Variants in THBS4 observed in about 807,000 individuals in gnomAD.
THBS4 encodes the protein thrombospondin-4.
THBS4 carries 90 observed loss-of-function variants against 115.7 expected under a neutral mutation model. The ratio of observed to expected loss-of-function variants is 0.78; its 90% CI spans 0.66 to 0.93. The LOEUF is 0.93. Ranked by LOEUF, THBS4 falls within the 40% of genes least tolerant of loss-of-function variation. The probability of loss-of-function intolerance (pLI) is 0.00; values close to 1 mark genes in which losing one functional copy is unlikely to be tolerated. For missense variants in THBS4, 1,087 were observed against 1,232.7 expected (o/e 0.88, Z 1.77); for synonymous variants, 460 against 479.3 (o/e 0.96, Z 0.53).
intron 2 of THBS4, among the ~76,000 whole-genome samples, chr5:80,015,172 G>A (rs902482172): frequency 1.3e-5 from 2 of 152,224 alleles, no homozygotes; most frequent in African/African-American, 2.4e-5. Context: ...AGGAAAAAAG[G>A]TGTAACCCTA....
intron 20 of THBS4, chr5:80,080,341 G>A: frequency 2.4e-6 from 1 of 414,674 alleles, no homozygotes; most frequent in Admixed American, 3.4e-5. Context: ...TGTGGGGTTG[G>A]TGCATTTGGA....
intron 1 of THBS4, 118 bp from the exon 2 acceptor site, chr5:80,039,959 G>A: frequency 2.3e-6 from 2 of 865,036 alleles, no homozygotes; most frequent in East Asian, 2.4e-5. Flanking sequence ...GGGATTACAA[G>A]ATTAGTTTAC....
chr5:80,065,482 G>T lies in THBS4; in HGVS notation c.1194+5G>T, dbSNP rs749264926. 1 of 1,612,370 alleles carries T rather than the reference G, an allele frequency of 6.2e-7. No homozygotes were observed. Among genetic ancestry groups the T allele is most frequent in the South Asian group, 1.1e-5 (1 of 90,814 alleles). ...TCGATCTGCGTTAATACTTTGGTAA[G>T]TATTTCTCACAGCTGTTGTTATCAA... On this transcript the variant is annotated splice_donor_5th_base_variant and intron_variant, in intron 9 of 21. Transcript: ENST00000350881.
At position 80,068,002 on chromosome 5, in the gene THBS4, G is replaced by A. The variant is rs548126974; in HGVS notation, c.1224G>A (p.Pro408=). Reference sequence around the variant, plus strand: ...CTTACCGCTGTGGGCCTTGTAAGCCGGGGTATACTGGTGATCAGATAAGGG... The same window carrying A: ...CTTACCGCTGTGGGCCTTGTAAGCCAGGGTATACTGGTGATCAGATAAGGG... ...LGSYRCGPCK[P]GYTGDQIRGC... is the part of the protein sequence containing the mutation. The change falls in exon 10 of 22, where the codon CCG becomes CCA. Residue 408 remains proline, a synonymous_variant. Coordinates refer to ENST00000350881, the MANE Select transcript of THBS4 (RefSeq NM_003248.6). The A allele has an allele frequency of 1.9e-5, 30 of 1,614,108 alleles. No individual in the cohort carries two copies. The highest frequency in any genetic ancestry group is 1.7e-4 in the Middle Eastern group (1 of 6,058).
At chr5:80,082,332 C>T in intron 20 of THBS4, 74 bp from the exon 21 acceptor site, 1 of 1,582,558 alleles carries the variant, frequency 6.3e-7, no homozygotes, top group Non-Finnish European at 8.6e-7. Flanking sequence ...AGAAGTGGGG[C>T]CCCTGGGCCT....
intron 2 of THBS4, among the ~76,000 whole-genome samples, chr5:80,011,512 T>G (rs1832126120): frequency 6.6e-6 from 1 of 152,174 alleles, no homozygotes; most frequent in South Asian, 2.1e-4. Context: ...CATTCTTTGA[T>G]TTGTTCAGCT....
chr5:80,059,378 T>C, intron 5 of THBS4, 62 bp from the exon 6 acceptor site: 1 of 1,521,438 alleles, frequency 6.6e-7, no homozygotes, highest in Non-Finnish European at 9.1e-7. Flanking sequence ...ATGGATTCTT[T>C]CATTCCTGGA....
intron 1 of THBS4, among the ~76,000 whole-genome samples, chr5:79,992,763 G>A (rs917628497): frequency 6.6e-6 from 1 of 152,224 alleles, no homozygotes; most frequent in African/African-American, 2.4e-5. Flanking sequence ...ATAATCACGA[G>A]TAGGGTTAGA....
At chr5:80,033,164 TG>T, upstream of THBS4, 1 of 413,192 alleles carries the variant, frequency 2.4e-6, no homozygotes, top group Non-Finnish European at 4.9e-6. Context: ...GCACCTGGCA[TG>T]ATCAACTCTG....
Position 80,059,911 on chromosome 5 carries a change from A to ATTTT in THBS4, c.987+6_987+7insTTTT. 2 of 1,612,918 alleles carry ATTTT rather than the reference A, an allele frequency of 1.2e-6. No individual in the cohort carries two copies. Among genetic ancestry groups the ATTTT allele is most frequent in the Non-Finnish European group, 1.7e-6 (2 of 1,179,686 alleles). On this transcript the variant is annotated splice_region_variant and intron_variant, in intron 7 of 21. Transcript: ENST00000350881. The stretch of plus-strand genomic sequence containing the variant: ...CCTGTATTGATGTTGATGAGGTAAA[A>ATTTT]GTTCACTTAGACTGGGAGGGGATCC...
At chr5:80,016,205 A>G (rs1832247160) in intron 2 of THBS4, among the ~76,000 whole-genome samples, 1 of 152,144 alleles carries the variant, frequency 6.6e-6, no homozygotes, top group South Asian at 2.1e-4. Flanking sequence ...GATGTCTTTA[A>G]TCAAGACAGA....
At chr5:79,998,208 T>A (rs1170529531) in intron 1 of THBS4, 1 of 152,196 alleles carries the variant, frequency 6.6e-6, no homozygotes, top group South Asian at 2.1e-4. Flanking sequence ...AGGGGCCTAA[T>A]GGGAGGTGAT....
In THBS4 at chr5:80,070,747, G is replaced by A. The variant is rs777246100; in HGVS notation, c.1557G>A (p.Glu519=). 2.8e-5 allele frequency: 46 copies of A among 1,614,154 alleles called. No individual in the cohort carries two copies. Among genetic ancestry groups the A allele is most frequent in the Non-Finnish European group, 3.8e-5 (45 of 1,179,970 alleles). Residue 519 remains glutamate (E), a synonymous_variant, in exon 12 of 22, where the codon GAG becomes GAA. Coordinates refer to ENST00000350881, the MANE Select transcript of THBS4 (RefSeq NM_003248.6). ...EDADGDGILN[E]QDNCVLIHNV... Reference sequence around the variant, plus strand: ...CTGACGGAGATGGGATCCTGAATGAGCAGGTACCTGCTTCGCTGGGAGGGC... The same window carrying A: ...CTGACGGAGATGGGATCCTGAATGAACAGGTACCTGCTTCGCTGGGAGGGC...
chr5:80,082,623 T>C (rs1056273937), intron 21 of THBS4, 78 bp downstream of exon 21: 1 of 1,553,820 alleles, frequency 6.4e-7, no homozygotes, highest in Non-Finnish European at 8.7e-7. Flanking sequence ...TATACCGCAC[T>C]TCCCCCCCAA....
chr5:80,017,407 A>C (rs555256230), intron 2 of THBS4, among the ~76,000 whole-genome samples: 134 of 152,268 alleles, frequency 8.8e-4, no homozygotes, highest in African/African-American at 3.2e-3. Context: ...TCTTCCATCT[A>C]CTAATTTTTA....
rs576067133 is a variant in THBS4, at chr5:80,008,991, A to G, written n.177+10564A>G. Among the ~76,000 whole-genome samples the G allele has an allele frequency of 4.6e-5, 7 of 152,332 alleles. No homozygotes were observed. The South Asian group carries it at 1.4e-3, about 32-fold the overall frequency. The stretch of plus-strand genomic sequence containing the variant: ...CCTTTATTTTAAAATATCATGGGAG[A>G]AGCACCAATGGAAATGGCTGAGGAA... On this transcript the variant is annotated intron_variant and non_coding_transcript_variant, in intron 2 of 3. Transcript: ENST00000510218.
chr5:80,030,691 A>G (rs1367073314), upstream of THBS4, among the ~76,000 whole-genome samples: 2 of 152,082 alleles, frequency 1.3e-5, no homozygotes, highest in African/African-American at 4.8e-5. Flanking sequence ...TTATTTTTAT[A>G]GAGATGAGGT....
chr5:80,012,698 A>G (rs1032644853), intron 2 of THBS4, among the ~76,000 whole-genome samples: 3 of 152,128 alleles, frequency 2.0e-5, no homozygotes, highest in African/African-American at 7.2e-5. Flanking sequence ...AGTGTCCATC[A>G]CTTGAGACAA....
chr5:79,995,483 GGAA>G lies in THBS4; in HGVS notation n.82-2843_82-2841del, dbSNP rs202039264. 8.6e-3 allele frequency among the ~76,000 whole-genome samples: 1,306 copies of G among 152,202 alleles called. 19 individuals are homozygous for G. Among genetic ancestry groups the G allele is most frequent in the African/African-American group, 0.03 (1,236 of 41,502 alleles). ...GAGCATGAGGAATATGACTGATAAAGGAAGAAGAGAAATGGGACAGGACTGAAA... is the reference window on the plus strand; with the variant it reads ...GAGCATGAGGAATATGACTGATAAAGGAAGAGAAATGGGACAGGACTGAAA... On this transcript the variant is annotated intron_variant and non_coding_transcript_variant, in intron 1 of 3. Coordinates refer to the THBS4 transcript ENST00000510218.
Sources: allele counts gnomAD v4.1 joint callset (sites outside exome capture counted in the v4.1 genomes callset), GRCh38; gene constraint gnomAD v4.1.1; transcripts MANE v1.5; gene names NCBI Gene and HGNC (gene_info 2026-07-23, HGNC 2026-07-21).